The following DLG1 variants were observed in gnomAD, a reference collection of about 807,000 sequenced individuals.
DLG1 encodes discs large MAGUK scaffold protein 1.
Under a neutral mutation model 123.4 loss-of-function variants are expected in DLG1, and 42 were observed. That is an observed-to-expected ratio of 0.34 (90% CI 0.27 to 0.44). DLG1 has a LOEUF of 0.44. DLG1 is among the 20% of genes least tolerant of loss of function. DLG1 has a pLI of 1.00. For synonymous variants in DLG1, 317 were observed against 356.2 expected, an observed-to-expected ratio of 0.89 and a Z score of 1.24; for missense variants, 942 against 1,082.6, an observed-to-expected ratio of 0.87 and a Z score of 1.82.
intron 5 of DLG1, among the ~76,000 whole-genome samples, chr3:197,173,882 TC>T (rs1306810740): frequency 2.0e-5 from 3 of 152,120 alleles, no homozygotes; most frequent in Non-Finnish European, 4.4e-5. Context: ...GGCAGGCAGA[TC>T]ACATGAGGGC....
intron 4 of DLG1, 60 bp from the exon 5 acceptor site, chr3:197,194,649 T>G: frequency 1.5e-6 from 2 of 1,291,350 alleles, no homozygotes; most frequent in Non-Finnish European, 2.1e-6. Flanking sequence ...ATTCAAATCA[T>G]GGTTTTCATA....
chr3:197,082,189 G>T (rs1178904941), intron 16 of DLG1, among the ~76,000 whole-genome samples: 1 of 151,948 alleles, frequency 6.6e-6, no homozygotes, highest in Non-Finnish European at 1.5e-5. Context: ...GGCCAACATG[G>T]TGAAACCCTG....
At chr3:197,152,392 C>CGCTGTCTT (rs1794319578) in intron 5 of DLG1, among the ~76,000 whole-genome samples, 1 of 147,908 alleles carries the variant, frequency 6.8e-6, no homozygotes, top group African/African-American at 2.5e-5. Context: ...TTCTACTACT[C>CGCTGTCTT]GCTGTCTTGG....
chr3:197,292,354 A>G (rs999037891), intron 3 of DLG1, among the ~76,000 whole-genome samples: 4 of 152,230 alleles, frequency 2.6e-5, no homozygotes, highest in African/African-American at 9.6e-5. Context: ...TGAGTGAAAT[A>G]AGCCAGTCGC....
At chr3:197,145,168 T>C (rs535193115) in intron 6 of DLG1, among the ~76,000 whole-genome samples, 6 of 152,172 alleles carry the variant, frequency 3.9e-5, no homozygotes, top group Non-Finnish European at 8.8e-5. Context: ...GAGGCTTACC[T>C]ACTTGACAGG....
At chr3:197,046,652 C>A (rs773048302) in intron 24 of DLG1, among the ~76,000 whole-genome samples, 2 of 151,984 alleles carry the variant, frequency 1.3e-5, no homozygotes. Flanking sequence ...TGAAGGTGGG[C>A]GGATTGGATG....
At chr3:197,285,042 A>C (rs1425264931) in intron 3 of DLG1, among the ~76,000 whole-genome samples, 3 of 148,720 alleles carry the variant, frequency 2.0e-5, no homozygotes, top group South Asian at 2.1e-4. Flanking sequence ...AAAAAAAAAA[A>C]AAAAACTGGA....
intron 4 of DLG1, among the ~76,000 whole-genome samples, chr3:197,282,029 A>G (rs755549433): frequency 2.6e-5 from 4 of 152,220 alleles, no homozygotes; most frequent in Non-Finnish European, 5.9e-5. Flanking sequence ...TCAGACAAAT[A>G]ACCACTTTCA....
intron 13 of DLG1, among the ~76,000 whole-genome samples, chr3:197,110,769 A>C (rs116740878): frequency 0.013 from 1,981 of 152,304 alleles, 21 homozygotes; most frequent in Non-Finnish European, 0.024. Context: ...GACTGAATAC[A>C]TATTTCCTTA....
At chr3:197,076,840 T>G (rs1747631239) in intron 17 of DLG1, among the ~76,000 whole-genome samples, 155 bp from the exon 18 acceptor site, 1 of 152,240 alleles carries the variant, frequency 6.6e-6, no homozygotes, top group Non-Finnish European at 1.5e-5. Context: ...GAATTTCTAC[T>G]TTTGTATAAA....
chr3:197,251,207 C>A (rs1561690643), intron 4 of DLG1, among the ~76,000 whole-genome samples: 1 of 151,570 alleles, frequency 6.6e-6, no homozygotes, highest in East Asian at 1.9e-4. Context: ...CCAGTCTCTA[C>A]AAAAACAAAC....
intron 4 of DLG1, among the ~76,000 whole-genome samples, chr3:197,202,684 T>C (rs1726417501): frequency 6.6e-6 from 1 of 152,206 alleles, no homozygotes; most frequent in South Asian, 2.1e-4. Flanking sequence ...TTCTCTAGCG[T>C]TTCTAACCAA....
chr3:197,175,661 A>G (rs1310627999), intron 5 of DLG1, among the ~76,000 whole-genome samples: 1 of 152,234 alleles, frequency 6.6e-6, no homozygotes, highest in Non-Finnish European at 1.5e-5. Context: ...ACAAATATTT[A>G]TCAAGTGCAT....
chr3:197,176,434 C>G (rs1807136529), intron 5 of DLG1, among the ~76,000 whole-genome samples: 1 of 152,130 alleles, frequency 6.6e-6, no homozygotes, highest in Non-Finnish European at 1.5e-5. Context: ...AATGGCTTTA[C>G]TGTCCTAAAA....
chr3:197,172,230 G>A (rs770450346), intron 5 of DLG1, among the ~76,000 whole-genome samples: 1 of 152,048 alleles, frequency 6.6e-6, no homozygotes, highest in South Asian at 2.1e-4. Flanking sequence ...TGACGCTGGC[G>A]TAAACAAATA....
intron 3 of DLG1, among the ~76,000 whole-genome samples, chr3:197,293,301 TCAAAATTAG>T (rs1212843864): frequency 6.6e-6 from 1 of 152,220 alleles, no homozygotes; most frequent in African/African-American, 2.4e-5. Flanking sequence ...CAGCTGAAAT[TCAAAATTAG>T]TAAAAACTTT....
At chr3:197,154,993 A>G (rs1795732084) in intron 5 of DLG1, among the ~76,000 whole-genome samples, 1 of 152,204 alleles carries the variant, frequency 6.6e-6, no homozygotes, top group Non-Finnish European at 1.5e-5. Flanking sequence ...ATGAGAAATG[A>G]CAGATAAAAG....
intron 4 of DLG1, among the ~76,000 whole-genome samples, chr3:197,227,593 T>C (rs952447364): frequency 6.6e-6 from 1 of 152,210 alleles, no homozygotes; most frequent in East Asian, 1.9e-4. Context: ...GCAAAGCTGT[T>C]TGTGGAAAAG....
chr3:197,290,848 C>T (rs1774476795), intron 3 of DLG1, among the ~76,000 whole-genome samples: 1 of 148,016 alleles, frequency 6.8e-6, no homozygotes, highest in Non-Finnish European at 1.5e-5. Context: ...CAGTAAGCCA[C>T]CACTGCACTC....
Sources: gnomAD v4.1 joint callset for allele counts (sites outside exome capture counted in the v4.1 genomes callset) on GRCh38, gnomAD v4.1.1 for gene constraint, MANE v1.5 for transcripts, NCBI Gene and HGNC (gene_info 2026-07-23, HGNC 2026-07-21) for gene names.